CACNA2D3: variants seen among roughly 807,000 people sequenced by gnomAD.
CACNA2D3 encodes calcium voltage-gated channel auxiliary subunit alpha2delta 3.
In CACNA2D3, 60 loss-of-function variants were observed where a neutral mutation model predicts 160.6. The ratio of observed to expected loss-of-function variants is 0.37; its 90% CI spans 0.30 to 0.46. The LOEUF is 0.46. CACNA2D3 is among the 20% of genes least tolerant of loss of function. The pLI is 1.00. For synonymous variants in CACNA2D3, 558 were observed against 492.9 expected, an observed-to-expected ratio of 1.13 and a Z score of -1.75; for missense variants, 1,205 against 1,365.0, an observed-to-expected ratio of 0.88 and a Z score of 1.85.
chr3:54,330,597 A>G (rs918951677), intron 3 of CACNA2D3, among the ~76,000 whole-genome samples: 5 of 152,212 alleles, frequency 3.3e-5, no homozygotes, highest in African/African-American at 4.8e-5. Flanking sequence ...CTGGGCAAAG[A>G]TTCAGACTCT....
intron 11 of CACNA2D3, among the ~76,000 whole-genome samples, chr3:54,701,059 T>G (rs1322955606): frequency 6.6e-6 from 1 of 152,228 alleles, no homozygotes. Flanking sequence ...CCATATTGGA[T>G]GAAAGAAATC....
chr3:54,440,017 A>G (rs1274896008), intron 4 of CACNA2D3, among the ~76,000 whole-genome samples: 1 of 152,116 alleles, frequency 6.6e-6, no homozygotes, highest in Admixed American at 6.5e-5. Context: ...CCAGCCTAGC[A>G]TTCAGTCACC....
intron 13 of CACNA2D3, among the ~76,000 whole-genome samples, chr3:54,770,972 C>A (rs1240802367): frequency 1.3e-5 from 2 of 152,142 alleles, no homozygotes; most frequent in Non-Finnish European, 2.9e-5. Flanking sequence ...AAAACATCTT[C>A]CTTGCATTCA....
chr3:54,276,771 T>C (rs1702751686), intron 2 of CACNA2D3, among the ~76,000 whole-genome samples: 1 of 152,090 alleles, frequency 6.6e-6, no homozygotes, highest in Admixed American at 6.5e-5. Context: ...TCTTCCAGGT[T>C]AAGGTAAAGG....
chr3:54,734,691 C>T (rs921423939), intron 11 of CACNA2D3, among the ~76,000 whole-genome samples: 1 of 152,160 alleles, frequency 6.6e-6, no homozygotes, highest in Admixed American at 6.5e-5. Flanking sequence ...ACATTGTCTT[C>T]CAGTTGCCAG....
intron 11 of CACNA2D3, among the ~76,000 whole-genome samples, chr3:54,717,944 C>T (rs1701094655): frequency 6.6e-6 from 1 of 152,020 alleles, no homozygotes; most frequent in East Asian, 1.9e-4. Flanking sequence ...ATTCCCATCC[C>T]TGTGATCACT....
At chr3:54,287,305 A>G (rs1703057669) in intron 2 of CACNA2D3, among the ~76,000 whole-genome samples, 1 of 152,208 alleles carries the variant, frequency 6.6e-6, no homozygotes, top group Non-Finnish European at 1.5e-5. Context: ...ACTTTAAACC[A>G]ACAAAGATCA....
chr3:54,646,182 CCCTCCTTCCTTG>C (rs879775222), intron 11 of CACNA2D3, among the ~76,000 whole-genome samples: 1,409 of 17,720 alleles, frequency 0.08, 146 homozygotes, highest in Non-Finnish European at 0.14. Context: ...CTCCCTCCCT[CCCTCCTTCCTTG>C]CTTCCTTCCT....
intron 35 of CACNA2D3, among the ~76,000 whole-genome samples, chr3:55,034,341 A>G (rs993512236): frequency 3.3e-5 from 5 of 151,138 alleles, no homozygotes; most frequent in Non-Finnish European, 5.9e-5. Flanking sequence ...TTATATTTCC[A>G]TCTCTGTGTG....
chr3:54,442,983 C>G (rs1175618772), intron 4 of CACNA2D3, among the ~76,000 whole-genome samples: 2 of 152,152 alleles, frequency 1.3e-5, no homozygotes, highest in African/African-American at 4.8e-5. Context: ...CCCCACATCT[C>G]CCTGGGTCTG....
chr3:54,523,478 G>T (rs1394575872), intron 5 of CACNA2D3, among the ~76,000 whole-genome samples: 1 of 152,130 alleles, frequency 6.6e-6, no homozygotes, highest in African/African-American at 2.4e-5. Context: ...ATTTATAAAA[G>T]ATAGCTCTAT....
chr3:54,272,722 G>C (rs1575358666), intron 2 of CACNA2D3: 1 of 151,776 alleles, frequency 6.6e-6, no homozygotes, highest in East Asian at 1.9e-4. Context: ...TTGTGATGTT[G>C]CTTCACTTTT....
In CACNA2D3 at chr3:55,021,717, A is replaced by G. The variant is rs191685299; in HGVS notation, c.2987+3400A>G. ...TGTGTGTATATATATATGTGTGTGT[A>G]TATATATATATATAGCCTTCATTCT... On this transcript the variant is annotated intron_variant, in intron 35 of 37. Transcript: ENST00000474759. Among the ~76,000 whole-genome samples the G allele has an allele frequency of 2.0e-3, 283 of 143,936 alleles. 2 individuals carry two copies. The highest frequency in any genetic ancestry group is 3.9e-3 in the South Asian group (18 of 4,638). 94.4% of individuals were successfully genotyped at this position (143,936 alleles called of 152,430 possible). A position where few individuals can be genotyped will look rare whatever the true frequency, so the allele number is the denominator to read the frequency against.
chr3:54,523,284 G>C (rs1276347618), intron 5 of CACNA2D3, among the ~76,000 whole-genome samples: 1 of 152,098 alleles, frequency 6.6e-6, no homozygotes, highest in Non-Finnish European at 1.5e-5. Flanking sequence ...TGCTTTTGCT[G>C]CATCTACTTA....
intron 34 of CACNA2D3, among the ~76,000 whole-genome samples, chr3:55,015,903 C>T (rs928926846): frequency 6.6e-6 from 1 of 152,224 alleles, no homozygotes; most frequent in African/African-American, 2.4e-5. Flanking sequence ...CCACGTGCCT[C>T]TTCTGTGTTG....
chr3:54,965,663 GA>G (rs774744812), intron 27 of CACNA2D3, among the ~76,000 whole-genome samples: 2 of 152,190 alleles, frequency 1.3e-5, no homozygotes, highest in African/African-American at 2.4e-5. Context: ...AATCATAGGA[GA>G]GTATATTAAC....
chr3:54,131,171 T>G (rs2107252982), intron 2 of CACNA2D3, among the ~76,000 whole-genome samples: 1 of 152,320 alleles, frequency 6.6e-6, no homozygotes, highest in Middle Eastern at 3.4e-3. Context: ...ACATGTGTAC[T>G]TGGTGAATGA....
intron 3 of CACNA2D3, among the ~76,000 whole-genome samples, chr3:54,327,656 A>G (rs568116129): frequency 2.0e-5 from 3 of 152,228 alleles, no homozygotes; most frequent in Admixed American, 6.5e-5. Context: ...ATACATATTC[A>G]TCGTGAAAGA....
intron 11 of CACNA2D3, among the ~76,000 whole-genome samples, chr3:54,650,396 G>A (rs1271008971): frequency 6.6e-6 from 1 of 150,862 alleles, no homozygotes; most frequent in Non-Finnish European, 1.5e-5. Flanking sequence ...GAGTCTTGCT[G>A]TGTTGCCCAG....
Sources: gnomAD v4.1 joint callset for allele counts (sites outside exome capture counted in the v4.1 genomes callset) on GRCh38, gnomAD v4.1.1 for gene constraint, MANE v1.5 for transcripts, NCBI Gene and HGNC (gene_info 2026-07-23, HGNC 2026-07-21) for gene names.